GABBR2: variants seen among roughly 807,000 people sequenced by gnomAD.
GABBR2 encodes G-protein coupled receptor 51.
Under a neutral mutation model 105.6 loss-of-function variants are expected in GABBR2, and 23 were observed. That is an observed-to-expected ratio of 0.22 (90% CI 0.16 to 0.31). The LOEUF is 0.31. Among genes scored for constraint, GABBR2 ranks in the 10% least tolerant of loss-of-function variants. The probability of loss-of-function intolerance (pLI) is 1.00; values close to 1 mark genes in which losing one functional copy is unlikely to be tolerated. For missense variants in GABBR2, 734 were observed against 1,245.5 expected, an observed-to-expected ratio of 0.59 and a Z score of 6.18; for synonymous variants, 478 against 499.7, an observed-to-expected ratio of 0.96 and a Z score of 0.58.
intron 1 of GABBR2, among the ~76,000 whole-genome samples, chr9:98,686,182 T>G (rs1044016655): frequency 2.0e-5 from 3 of 152,136 alleles, no homozygotes; most frequent in Non-Finnish European, 4.4e-5. Context: ...TCTCCCCAGC[T>G]GGCCTGCCTT....
rs1588292075 is a variant in GABBR2, at chr9:98,708,658, A to G, written c.80T>C (p.Leu27Pro). The change falls in exon 1 of 19, where the codon CTG (leucine) becomes CCG (proline). Residue 27 changes from leucine to proline, a missense_variant. Leu to Pro is a moderately conservative substitution (Grantham distance 98). This residue lies in a region of GABBR2 where 70 missense variants were observed against 73.4 expected (regional missense o/e 0.95). Transcript: ENST00000259455. ...PPPPARLLLL[L>P]LLPLLLPLAP... ...CAGAGGCAGCAGCAGCGGCAGCAGCAGTAGCAGTAGCAGGCGCGCGGGCGG... is the reference window on the plus strand; with the variant it reads ...CAGAGGCAGCAGCAGCGGCAGCAGCGGTAGCAGTAGCAGGCGCGCGGGCGG... 6 of 1,197,756 alleles carry G rather than the reference A, an allele frequency of 5.0e-6. No homozygotes were observed. The East Asian group carries it at 1.0e-4, about 20-fold the overall frequency. The allele number at this position is 1,197,756 out of a possible 1,614,324, so 74.2% of individuals were successfully genotyped here. A position where few individuals can be genotyped will look rare whatever the true frequency, so the allele number is the denominator to read the frequency against.
chr9:98,570,268 G>A (rs906522087), intron 2 of GABBR2, among the ~76,000 whole-genome samples: 3 of 152,212 alleles, frequency 2.0e-5, no homozygotes, highest in Non-Finnish European at 4.4e-5. Flanking sequence ...GTCGAGGGGC[G>A]GCTGGGGACA....
intron 1 of GABBR2, among the ~76,000 whole-genome samples, chr9:98,582,637 T>A (rs967255121): frequency 1.3e-5 from 2 of 152,342 alleles, no homozygotes; most frequent in Non-Finnish European, 2.9e-5. Context: ...TGACACAGTA[T>A]GGTTTTCCTT....
intron 13 of GABBR2, among the ~76,000 whole-genome samples, chr9:98,312,040 C>G (rs1830644639): frequency 6.6e-6 from 1 of 152,108 alleles, no homozygotes; most frequent in Non-Finnish European, 1.5e-5. Flanking sequence ...ATATCCTGAC[C>G]CTTCACCCCT....
chr9:98,662,401 T>A (rs1471222482), intron 1 of GABBR2, among the ~76,000 whole-genome samples: 1 of 152,158 alleles, frequency 6.6e-6, no homozygotes, highest in Non-Finnish European at 1.5e-5. Flanking sequence ...ACAATCAATG[T>A]GCTGGGGAAA....
chr9:98,652,403 C>T (rs545540753), intron 1 of GABBR2, among the ~76,000 whole-genome samples: 31 of 152,256 alleles, frequency 2.0e-4, no homozygotes, highest in African/African-American at 7.5e-4. Context: ...CAGAAGTTAA[C>T]CTCATTTTAC....
rs185987356 is a variant in GABBR2, at chr9:98,495,087, G to T, written c.732+1326C>A. The stretch of plus-strand genomic sequence containing the variant: ...CCCAACACAGCCTGTGACACTGCAG[G>T]GGGGAGACCTGGCTCCAGCCACCTG... On this transcript the variant is annotated intron_variant, in intron 4 of 18. Coordinates refer to ENST00000259455, the MANE Select transcript of GABBR2 (RefSeq NM_005458.8). Among the ~76,000 whole-genome samples the T allele has an allele frequency of 2.8e-3, 421 of 152,278 alleles. 3 individuals are homozygous for T. The highest frequency in any genetic ancestry group is 9.5e-3 in the African/African-American group (396 of 41,526).
chr9:98,637,164 A>G (rs536363717), intron 1 of GABBR2, among the ~76,000 whole-genome samples: 1 of 152,300 alleles, frequency 6.6e-6, no homozygotes, highest in South Asian at 2.1e-4. Context: ...CAGCCTCTGC[A>G]GTGAGTCCAA....
intron 16 of GABBR2, among the ~76,000 whole-genome samples, chr9:98,301,937 G>GC (rs1358130497): frequency 6.6e-6 from 1 of 152,166 alleles, no homozygotes; most frequent in Non-Finnish European, 1.5e-5. Context: ...AATTCTGTGA[G>GC]CCCCCCAAAG....
At chr9:98,526,175 A>G (rs1369806019) in intron 3 of GABBR2, among the ~76,000 whole-genome samples, 2 of 152,168 alleles carry the variant, frequency 1.3e-5, no homozygotes, top group African/African-American at 4.8e-5. Flanking sequence ...TAAAAACAAA[A>G]CCCAAAACAT....
At chr9:98,697,568 A>G (rs1830773458) in intron 1 of GABBR2, among the ~76,000 whole-genome samples, 1 of 152,026 alleles carries the variant, frequency 6.6e-6, no homozygotes, top group Non-Finnish European at 1.5e-5. Context: ...GCACTGACAT[A>G]GGTGCCGACA....
chr9:98,422,504 G>GTGTGTT (rs1013500882), intron 7 of GABBR2, among the ~76,000 whole-genome samples: 1 of 149,956 alleles, frequency 6.7e-6, no homozygotes, highest in African/African-American at 2.5e-5. Flanking sequence ...ACCTGTGTGT[G>GTGTGTT]TGTGTGTGTG....
chr9:98,423,719 T>C (rs1283693966), intron 7 of GABBR2, among the ~76,000 whole-genome samples: 1 of 152,258 alleles, frequency 6.6e-6, no homozygotes, highest in Non-Finnish European at 1.5e-5. Flanking sequence ...GGTTTTCTTC[T>C]AGGGTTTTTA....
chr9:98,685,182 G>A (rs563596664), intron 1 of GABBR2, among the ~76,000 whole-genome samples: 19 of 152,312 alleles, frequency 1.2e-4, no homozygotes, highest in Admixed American at 2.6e-4. Flanking sequence ...CTCCCGTGCC[G>A]GATGATTCCT....
At chr9:98,477,188 G>C (rs1269388439) in intron 5 of GABBR2, among the ~76,000 whole-genome samples, 3 of 152,194 alleles carry the variant, frequency 2.0e-5, no homozygotes, top group African/African-American at 7.2e-5. Context: ...TCAATCAACG[G>C]TTGTGGACCG....
intron 1 of GABBR2, among the ~76,000 whole-genome samples, chr9:98,603,013 A>G (rs891548777): frequency 6.6e-6 from 1 of 151,264 alleles, no homozygotes; most frequent in Non-Finnish European, 1.5e-5. Context: ...CGGCAGACAC[A>G]GGAAAACACA....
chr9:98,505,049 T>C (rs1827478828), intron 3 of GABBR2, among the ~76,000 whole-genome samples: 1 of 152,214 alleles, frequency 6.6e-6, no homozygotes, highest in African/African-American at 2.4e-5. Flanking sequence ...ACAGGTAAGA[T>C]GGTTCAGGAA....
Position 98,306,644 on chromosome 9 carries a change from T to C in GABBR2, c.2005-299A>G. On this transcript the variant is annotated intron_variant, in intron 14 of 18. Transcript: ENST00000259455. This position sits in a 1 kb window ranked among gnomAD's most constrained non-coding sequence, Gnocchi z 5.4. ...GGCTACAGTGGAAGGGAACTTCAGA[T>C]AAGATCTCAGCTTTCTCCCTCACTC... 1 of 446,332 alleles carries C rather than the reference T, an allele frequency of 2.2e-6. No homozygotes were observed. The highest frequency in any genetic ancestry group is 4.1e-6 in the Non-Finnish European group (1 of 242,682). 27.6% of individuals were successfully genotyped at this position (446,332 alleles called of 1,614,324 possible).
chr9:98,480,329 G>C (rs532354794), intron 5 of GABBR2, among the ~76,000 whole-genome samples: 2 of 152,220 alleles, frequency 1.3e-5, no homozygotes, highest in East Asian at 3.9e-4. Context: ...TTAGAGACTA[G>C]ATTGGGGATC....
Sources: allele counts gnomAD v4.1 joint callset (sites outside exome capture counted in the v4.1 genomes callset), GRCh38; gene constraint gnomAD v4.1.1; regional missense constraint gnomAD v4.1.1; non-coding constraint Gnocchi (gnomAD v3.1); transcripts MANE v1.5; gene names NCBI Gene and HGNC (gene_info 2026-07-23, HGNC 2026-07-21).